Variants in PDE6B observed in about 807,000 individuals in gnomAD.
The protein encoded by PDE6B is phosphodiesterase 6B, also known as rod cGMP-specific 3',5'-cyclic phosphodiesterase subunit beta.
PDE6B carries 106 observed loss-of-function variants against 109.0 expected under a neutral mutation model. That is an observed-to-expected ratio of 0.97 (90% confidence interval 0.83 to 1.14). PDE6B has a LOEUF of 1.14. Among genes scored for constraint, PDE6B ranks in the 50% most tolerant of loss-of-function variants. PDE6B has a pLI of 0.00. For synonymous variants in PDE6B, 490 were observed against 471.3 expected, an observed-to-expected ratio of 1.04 and a Z score of -0.51; for missense variants, 1,193 against 1,155.6, an observed-to-expected ratio of 1.03 and a Z score of -0.47.
chr4:643,956 G>A (rs1577255308), intron 3 of PDE6B, among the ~76,000 whole-genome samples: 1 of 116,498 alleles, frequency 8.6e-6, no homozygotes, highest in Non-Finnish European at 1.6e-5. Context: ...GTCTCGCTCT[G>A]TAGCCAGGCT....
chr4:650,549 C>T (rs1735453445), intron 3 of PDE6B, among the ~76,000 whole-genome samples: 1 of 152,200 alleles, frequency 6.6e-6, no homozygotes. Context: ...AGGCCCCAAG[C>T]GTGGGGTCAG....
At chr4:638,078 C>T (rs1008932681) in intron 3 of PDE6B, among the ~76,000 whole-genome samples, 5 of 152,312 alleles carry the variant, frequency 3.3e-5, no homozygotes, top group African/African-American at 9.6e-5. Context: ...CTGCCAGTGA[C>T]GAGTGAGCGT....
At chr4:639,276 C>A (rs1210436347) in intron 3 of PDE6B, among the ~76,000 whole-genome samples, 1 of 151,986 alleles carries the variant, frequency 6.6e-6, no homozygotes, top group African/African-American at 2.4e-5. Flanking sequence ...TCCCAAGCAG[C>A]TGGGACTACA....
chr4:627,334 C>T (rs1375054331), intron 1 of PDE6B, among the ~76,000 whole-genome samples: 1 of 152,098 alleles, frequency 6.6e-6, no homozygotes, highest in East Asian at 1.9e-4. Context: ...TTAATAGAGA[C>T]AGAGTTTCGT....
intron 11 of PDE6B, 135 bp from the exon 12 acceptor site, chr4:660,332 G>A (rs1451410193): frequency 1.6e-5 from 14 of 884,212 alleles, no homozygotes; most frequent in East Asian, 9.9e-5. Context: ...AGGCTGGAGC[G>A]CCAGGAATGA....
rs1316114589 is a variant in PDE6B, at chr4:666,008, C to T, written c.2269-523C>T. ...ACAGGGGAAGGACAGGCAGCAGGTC[C>T]ATCCCCCGCGCCCGGCCTCTAGAGT... On this transcript the variant is annotated intron_variant, in intron 19 of 21. Coordinates refer to ENST00000496514, the MANE Select transcript of PDE6B (RefSeq NM_000283.4). The surrounding 1 kb of genome is among the most constrained non-coding windows in gnomAD (Gnocchi z 5.6). Among the ~76,000 whole-genome samples, 9 of 152,160 alleles carry T rather than the reference C, an allele frequency of 5.9e-5. No homozygotes were observed. The highest frequency in any genetic ancestry group is 1.3e-4 in the Non-Finnish European group (9 of 68,014).
intron 21 of PDE6B, 146 bp downstream of exon 21, chr4:668,152 A>G (rs1489052132): frequency 2.6e-6 from 2 of 765,008 alleles, no homozygotes; most frequent in Non-Finnish European, 4.1e-6. Context: ...CAGTGCAGGG[A>G]GAGAGGCCAC....
rs1458836147 is a variant in PDE6B, at chr4:636,499, A to G, written c.711+530A>G. On this transcript the variant is annotated intron_variant, in intron 3 of 21. Coordinates refer to ENST00000496514, the MANE Select transcript of PDE6B (RefSeq NM_000283.4). This position sits in a 1 kb window ranked among gnomAD's most constrained non-coding sequence, Gnocchi z 4.5. ...GAGGTGCGTGGGAAAACGCAGGGGG[A>G]TGACCTCCAGGGCAGGTGGTCCTCC... is the stretch of plus-strand genomic sequence containing the variant. Among the ~76,000 whole-genome samples the G allele has an allele frequency of 1.3e-5, 2 of 151,888 alleles. No homozygotes were observed. The highest frequency in any genetic ancestry group is 4.8e-5 in the African/African-American group (2 of 41,318).
chr4:626,261 T>C lies in PDE6B; in HGVS notation c.468+167T>C, dbSNP rs571723267. ...TACCTAGAGCCCCCTCCCGGCACTG[T>C]GCCCTGGCCGCCTGCCTCTCCGACT... is the stretch of plus-strand genomic sequence containing the variant. On this transcript the variant is annotated intron_variant, in intron 1 of 21. Transcript: ENST00000496514. The surrounding 1 kb of genome is among the most constrained non-coding windows in gnomAD (Gnocchi z 4.6). Among the ~76,000 whole-genome samples, 478 of 152,330 alleles carry C rather than the reference T, an allele frequency of 3.1e-3. 2 individuals carry two copies. The highest frequency in any genetic ancestry group is 5.0e-3 in the Non-Finnish European group (337 of 68,024).
chr4:626,044 GGC>G lies in PDE6B; in HGVS notation c.419_420del (p.Gly140AlafsTer25). The stretch of plus-strand genomic sequence containing the variant: ...CTTCCCACTGGACATCGGGGTCGTG[GGC>G]CACGTGGCTCAGACCAAAAAGATGG... ...IVFPLDIGVV[G>X]HVAQTKKMVN... On this transcript the variant is annotated frameshift_variant, in exon 1 of 22. Transcript: ENST00000496514. LOFTEE classifies it high-confidence loss of function. The surrounding 1 kb of genome is among the most constrained non-coding windows in gnomAD (Gnocchi z 4.6). 2 of 1,595,732 alleles carry G rather than the reference GGC, an allele frequency of 1.3e-6. No individual in the cohort carries two copies. The highest frequency in any genetic ancestry group is 1.7e-6 in the Non-Finnish European group (2 of 1,172,058).
At chr4:668,144 G>C (rs1009568457) in intron 21 of PDE6B, 138 bp downstream of exon 21, 1 of 827,500 alleles carries the variant, frequency 1.2e-6, no homozygotes, top group Non-Finnish European at 1.9e-6. Context: ...CAGGGCCACA[G>C]TGCAGGGAGA....
rs2109299500 is a variant in PDE6B, at chr4:670,667, G to A, written c.*560G>A. On this transcript the variant is annotated 3_prime_UTR_variant, in exon 22 of 22. Coordinates refer to ENST00000496514, the MANE Select transcript of PDE6B (RefSeq NM_000283.4). ...AACTCTGAAATCACTGAGAACATTTGCAGCCACACATGTACATATGTGTAC... is the reference window on the plus strand; with the variant it reads ...AACTCTGAAATCACTGAGAACATTTACAGCCACACATGTACATATGTGTAC... 5.8e-6 allele frequency: 1 copy of A among 171,256 alleles called. No homozygotes were observed. Among genetic ancestry groups the A allele is most frequent in the South Asian group, 1.3e-4 (1 of 7,856 alleles). The allele number at this position is 171,256 out of a possible 1,614,324, so 10.6% of individuals were successfully genotyped here.
Position 666,679 on chromosome 4 carries a change from C to T in PDE6B, c.2352+65C>T, listed in dbSNP as rs1013043695. ...GTGGCTGGGAGCAGGCAAGGGGGCG[C>T]GGGCTGGAGTCGCGTGGACTCACAC... On this transcript the variant is annotated intron_variant, in intron 20 of 21. Transcript: ENST00000496514. This position sits in a 1 kb window ranked among gnomAD's most constrained non-coding sequence, Gnocchi z 5.6. The T allele has an allele frequency of 8.2e-5, 90 of 1,093,602 alleles. No individual in the cohort carries two copies. The South Asian group carries it at 9.6e-4, about 12-fold the overall frequency. The allele number at this position is 1,093,602 out of a possible 1,614,324, so 67.7% of individuals were successfully genotyped here. A position where few individuals can be genotyped will look rare whatever the true frequency, so the allele number is the denominator to read the frequency against.
Position 626,334 on chromosome 4 carries a change from C to T in PDE6B, c.468+240C>T, listed in dbSNP as rs1373440132. Among the ~76,000 whole-genome samples, 2 of 152,332 alleles carry T rather than the reference C, an allele frequency of 1.3e-5. No individual in the cohort carries two copies. The highest frequency in any genetic ancestry group is 3.9e-4 in the East Asian group (2 of 5,174). On this transcript the variant is annotated intron_variant, in intron 1 of 21. Coordinates refer to ENST00000496514, the MANE Select transcript of PDE6B (RefSeq NM_000283.4). This position sits in a 1 kb window ranked among gnomAD's most constrained non-coding sequence, Gnocchi z 4.6. Reference sequence around the variant, plus strand: ...TCGCATGGCCACTGAGTTGGTTAGACCTGAGTCTAGGAGCCTCGGCTGAAG... The same window carrying T: ...TCGCATGGCCACTGAGTTGGTTAGATCTGAGTCTAGGAGCCTCGGCTGAAG...
rs1312497104 is a variant in PDE6B at position 670,353 on chromosome 4, G to A, written c.*246G>A. On this transcript the variant is annotated 3_prime_UTR_variant, in exon 22 of 22. Coordinates refer to ENST00000496514, the MANE Select transcript of PDE6B (RefSeq NM_000283.4). ...CACCTCCCAGGTTCAAGCGATTCTC[G>A]TGCCTCAGCCTCCTGAGTAGCTGGG... is the stretch of plus-strand genomic sequence containing the variant. 1.4e-5 allele frequency: 6 copies of A among 441,896 alleles called. No homozygotes were observed. Among genetic ancestry groups the A allele is most frequent in the South Asian group, 2.2e-5 (1 of 45,864 alleles). 27.4% of individuals were successfully genotyped at this position (441,896 alleles called of 1,614,324 possible).
At chr4:629,531 G>T (rs1472970451) in intron 1 of PDE6B, among the ~76,000 whole-genome samples, 1 of 152,228 alleles carries the variant, frequency 6.6e-6, no homozygotes, top group Admixed American at 6.5e-5. Context: ...CTCTCCCTGG[G>T]ACCGTCATGG....
rs763317989 is a variant in PDE6B, at chr4:653,962, C to T, written c.822C>T (p.Ser274=). ...VRAYLNCERY[S]VGLLDMTKEK... is the part of the protein sequence containing the mutation. ...CCTACCTCAACTGCGAGCGGTACTCCGTGGGCCTCCTGGACATGACCAAGG... is the reference window on the plus strand; with the variant it reads ...CCTACCTCAACTGCGAGCGGTACTCTGTGGGCCTCCTGGACATGACCAAGG... Residue 274 remains serine (S), a synonymous_variant, in exon 4 of 22, where the codon TCC becomes TCT. Transcript: ENST00000496514. 8.1e-6 allele frequency: 13 copies of T among 1,613,842 alleles called. No homozygotes were observed. Among genetic ancestry groups the T allele is most frequent in the East Asian group, 6.7e-5 (3 of 44,880 alleles).
intron 20 of PDE6B, among the ~76,000 whole-genome samples, chr4:667,334 G>A (rs541194774): frequency 1.4e-4 from 21 of 152,284 alleles, no homozygotes; most frequent in South Asian, 4.1e-4. Context: ...CGTCAGTGCT[G>A]GGGAGAAGGT....
intron 12 of PDE6B, chr4:661,144 G>A (rs1223728762): frequency 6.5e-6 from 1 of 153,880 alleles, no homozygotes; most frequent in Non-Finnish European, 1.4e-5. Flanking sequence ...GTCAATTAAT[G>A]AATTAATAGA....
Sources: allele counts gnomAD v4.1 joint callset (sites outside exome capture counted in the v4.1 genomes callset), GRCh38; gene constraint gnomAD v4.1.1; non-coding constraint Gnocchi (gnomAD v3.1); transcripts MANE v1.5; gene names NCBI Gene and HGNC (gene_info 2026-07-23, HGNC 2026-07-21).